Variants in STIM1 observed in about 807,000 individuals in gnomAD.
STIM1 encodes stromal interaction molecule 1.
Under a neutral mutation model 74.7 loss-of-function variants are expected in STIM1, and 25 were observed. That is an observed-to-expected ratio of 0.33 (90% CI 0.24 to 0.47). The LOEUF is 0.47. Ranked by LOEUF, STIM1 falls within the 20% of genes least tolerant of loss-of-function variation. STIM1 has a pLI of 1.00. For missense variants in STIM1, 728 were observed against 920.8 expected (o/e 0.79, Z 2.71); for synonymous variants, 328 against 348.8 (o/e 0.94, Z 0.66).
intron 1 of STIM1, among the ~76,000 whole-genome samples, chr11:3,901,155 T>G (rs1259190291): frequency 1.3e-5 from 2 of 152,166 alleles, no homozygotes; most frequent in Non-Finnish European, 2.9e-5. Context: ...CACTCCAGCC[T>G]GGGCGACAGA....
At chr11:4,069,681 C>T (rs1306153758) in intron 5 of STIM1, among the ~76,000 whole-genome samples, 1 of 152,216 alleles carries the variant, frequency 6.6e-6, no homozygotes, top group African/African-American at 2.4e-5. Flanking sequence ...GAAGCCACTA[C>T]ATCTTGGCAT....
At chr11:3,871,075 G>T (rs897334509) in intron 1 of STIM1, among the ~76,000 whole-genome samples, 1 of 151,840 alleles carries the variant, frequency 6.6e-6, no homozygotes, top group Admixed American at 6.6e-5. Context: ...GTTTCACCAT[G>T]TTAGCTAGGA....
At chr11:4,088,582 G>A (rs2094506230) in intron 12 of STIM1, 4 of 891,264 alleles carry the variant, frequency 4.5e-6, no homozygotes, top group Non-Finnish European at 7.1e-6. Context: ...GGACACTAAG[G>A]GATGCTGTGA....
At chr11:4,087,087 C>G (rs1166564682) in intron 12 of STIM1, among the ~76,000 whole-genome samples, 2 of 152,158 alleles carry the variant, frequency 1.3e-5, no homozygotes, top group Non-Finnish European at 2.9e-5. Flanking sequence ...CGACTTTCTT[C>G]CCTCATGACC....
At chr11:4,029,083 G>A (rs1234555316) in intron 3 of STIM1, among the ~76,000 whole-genome samples, 2 of 152,060 alleles carry the variant, frequency 1.3e-5, no homozygotes, top group African/African-American at 4.8e-5. Context: ...AGCTGCTCGG[G>A]AGATTGAGGC....
chr11:4,048,791 T>G (rs2094214242), intron 3 of STIM1, among the ~76,000 whole-genome samples: 2 of 152,124 alleles, frequency 1.3e-5, no homozygotes, highest in Non-Finnish European at 2.9e-5. Flanking sequence ...TGGAGTGCAG[T>G]GGCACGATCT....
chr11:4,037,641 T>A (rs1170837984), intron 3 of STIM1, among the ~76,000 whole-genome samples: 2 of 152,180 alleles, frequency 1.3e-5, no homozygotes, highest in Non-Finnish European at 2.9e-5. Context: ...CCCTCTACAT[T>A]TAATCTATTT....
At chr11:4,069,091 T>A (rs2094387106) in intron 5 of STIM1, among the ~76,000 whole-genome samples, 1 of 152,200 alleles carries the variant, frequency 6.6e-6, no homozygotes, top group Admixed American at 6.5e-5. Flanking sequence ...AGACAGAGGA[T>A]GCAGGAGTAG....
intron 2 of STIM1, among the ~76,000 whole-genome samples, chr11:3,986,334 T>C (rs1193830874): frequency 6.6e-6 from 1 of 152,192 alleles, no homozygotes; most frequent in Non-Finnish European, 1.5e-5. Context: ...GGGAGGGGGC[T>C]GAGCATGATA....
intron 3 of STIM1, among the ~76,000 whole-genome samples, chr11:4,054,549 C>T (rs1013158486): frequency 4.6e-5 from 7 of 152,116 alleles, no homozygotes; most frequent in African/African-American, 1.4e-4. Flanking sequence ...CATAGGAGTG[C>T]GAACCCTATT....
At chr11:3,881,088 T>G (rs2091480598) in intron 1 of STIM1, among the ~76,000 whole-genome samples, 1 of 144,646 alleles carries the variant, frequency 6.9e-6, no homozygotes, top group Non-Finnish European at 1.5e-5. Flanking sequence ...GTAGGCCGTT[T>G]ATTAAAAAAA....
intron 1 of STIM1, among the ~76,000 whole-genome samples, chr11:3,874,225 G>C (rs2091234750): frequency 6.6e-6 from 1 of 152,140 alleles, no homozygotes; most frequent in South Asian, 2.1e-4. Context: ...TGTCTTTTCA[G>C]GTTGATTGTC....
At chr11:3,974,322 A>G (rs1229468337) in intron 2 of STIM1, 1 of 243,196 alleles carries the variant, frequency 4.1e-6, no homozygotes, top group East Asian at 8.3e-5. Context: ...ATTGCTGAAT[A>G]TACTCTGCTG....
intron 2 of STIM1, among the ~76,000 whole-genome samples, chr11:3,985,951 T>C (rs766260138): frequency 1.7e-4 from 26 of 152,268 alleles, no homozygotes; most frequent in Non-Finnish European, 3.4e-4. Flanking sequence ...TTTCCTTTCA[T>C]TCATTCTTGT....
intron 1 of STIM1, among the ~76,000 whole-genome samples, chr11:3,895,803 C>CCTTT (rs1554954446): frequency 0.047 from 2,069 of 44,348 alleles, 616 homozygotes; most frequent in East Asian, 0.062. Flanking sequence ...TTCCTTCCTT[C>CCTTT]CTTTCTTTCC....
At chr11:3,972,189 C>A (rs73427561) in intron 2 of STIM1, among the ~76,000 whole-genome samples, 3,623 of 152,276 alleles carry the variant, frequency 0.024, 122 homozygotes, top group African/African-American at 0.078. Context: ...ATTGAGGCCT[C>A]ATGTATTCAG....
intron 2 of STIM1, among the ~76,000 whole-genome samples, chr11:3,970,197 AAC>A (rs949968893): frequency 6.6e-6 from 1 of 152,246 alleles, no homozygotes. Flanking sequence ...GTTCCGAAAT[AAC>A]ACAAAAACTG....
At chr11:4,000,708 C>A (rs1417618919) in intron 2 of STIM1, among the ~76,000 whole-genome samples, 1 of 152,260 alleles carries the variant, frequency 6.6e-6, no homozygotes. Flanking sequence ...CGCAGTTCCT[C>A]ACCAGCAACG....
At chr11:3,915,640 A>G (rs2092632621) in intron 1 of STIM1, among the ~76,000 whole-genome samples, 1 of 152,032 alleles carries the variant, frequency 6.6e-6, no homozygotes, top group Admixed American at 6.6e-5. Context: ...CTTGTGATCC[A>G]CATGCCTCAG....
Sources: allele counts gnomAD v4.1 joint callset (sites outside exome capture counted in the v4.1 genomes callset), GRCh38; gene constraint gnomAD v4.1.1; transcripts MANE v1.5; gene names NCBI Gene and HGNC (gene_info 2026-07-23, HGNC 2026-07-21).